The following RERE variants were observed in gnomAD, a reference collection of about 807,000 sequenced individuals.
RERE encodes the protein arginine-glutamic acid dipeptide repeats protein.
Under a neutral mutation model 146.1 loss-of-function variants are expected in RERE, and 40 were observed. The ratio of observed to expected loss-of-function variants is 0.27; its 90% confidence interval spans 0.21 to 0.36. The LOEUF (loss-of-function observed/expected upper bound fraction) is 0.36, where lower values mean the gene tolerates loss of function less well. RERE is among the 10% of genes least tolerant of loss of function. The pLI, the probability that RERE is intolerant of heterozygous loss-of-function variation, is 1.00. For missense variants in RERE, 1,933 were observed against 2,138.7 expected (o/e 0.90, Z 1.90); for synonymous variants, 1,003 against 866.0 (o/e 1.16, Z -2.78).
At chr1:8,739,650 G>A (rs1640268837) in intron 1 of RERE, among the ~76,000 whole-genome samples, 1 of 152,070 alleles carries the variant, frequency 6.6e-6, no homozygotes, top group Admixed American at 6.6e-5. Flanking sequence ...ACTTCGAGGT[G>A]AGAAGCAATA....
At chr1:8,445,883 C>T (rs978038981) in intron 11 of RERE, among the ~76,000 whole-genome samples, 10 of 127,690 alleles carry the variant, frequency 7.8e-5, no homozygotes, top group Non-Finnish European at 9.4e-5. Flanking sequence ...TCCATGTGTT[C>T]TCACTGTTCA....
chr1:8,494,449 G>A (rs1397990895), intron 10 of RERE, among the ~76,000 whole-genome samples: 4 of 152,120 alleles, frequency 2.6e-5, no homozygotes, highest in South Asian at 2.1e-4. Flanking sequence ...CCTAGAGGCC[G>A]GGCGTGGTGG....
At chr1:8,462,973 T>C (rs1644545893) in intron 11 of RERE, among the ~76,000 whole-genome samples, 1 of 152,230 alleles carries the variant, frequency 6.6e-6, no homozygotes, top group Non-Finnish European at 1.5e-5. Flanking sequence ...CATGTATTTA[T>C]GTTAGCTGGA....
intron 7 of RERE, among the ~76,000 whole-genome samples, chr1:8,536,181 A>G (rs1645724751): frequency 6.6e-6 from 1 of 152,290 alleles, no homozygotes; most frequent in Non-Finnish European, 1.5e-5. Flanking sequence ...GCAATTCCCA[A>G]GAAGAAACAA....
At chr1:8,465,852 C>T in intron 11 of RERE, 73 bp downstream of exon 11, 1 of 1,247,160 alleles carries the variant, frequency 8.0e-7, no homozygotes, top group Non-Finnish European at 1.2e-6. Flanking sequence ...CCCTGAGCAG[C>T]AGGGAGGTCA....
intron 4 of RERE, among the ~76,000 whole-genome samples, chr1:8,564,870 G>GTGTGTGTGTGTGTGTA (rs1269710840): frequency 2.5e-3 from 321 of 127,348 alleles, no homozygotes; most frequent in Non-Finnish European, 4.0e-3. Context: ...GTGTGTGTGT[G>GTGTGTGTGTGTGTGTA]TATATATATA....
chr1:8,784,184 C>T (rs914730589), intron 1 of RERE, among the ~76,000 whole-genome samples: 4 of 152,212 alleles, frequency 2.6e-5, no homozygotes, highest in African/African-American at 9.7e-5. Flanking sequence ...CTATTCTCCT[C>T]TGTCTGGGAA....
At chr1:8,751,180 T>C (rs144950278) in intron 1 of RERE, 2 of 256,636 alleles carry the variant, frequency 7.8e-6, no homozygotes, top group East Asian at 9.4e-5. Context: ...TTGCCCATCA[T>C]GACAATCTCT....
At chr1:8,612,759 C>T (rs1359143068) in intron 4 of RERE, among the ~76,000 whole-genome samples, 2 of 152,198 alleles carry the variant, frequency 1.3e-5, no homozygotes, top group Non-Finnish European at 2.9e-5. Flanking sequence ...TAAGACATAT[C>T]GGTAAATAAG....
intron 2 of RERE, among the ~76,000 whole-genome samples, chr1:8,653,207 A>G (rs1647719043): frequency 6.6e-6 from 1 of 152,144 alleles, no homozygotes; most frequent in Admixed American, 6.5e-5. Flanking sequence ...ATATTTGACT[A>G]CTATTTTTGG....
At chr1:8,649,709 G>A (rs1296043201) in intron 2 of RERE, among the ~76,000 whole-genome samples, 1 of 145,008 alleles carries the variant, frequency 6.9e-6, no homozygotes, top group East Asian at 2.0e-4. Flanking sequence ...CAGCCTGCAT[G>A]ACAGGGCAAG....
chr1:8,359,320 C>T (rs1641450614), intron 19 of RERE, among the ~76,000 whole-genome samples: 1 of 152,072 alleles, frequency 6.6e-6, no homozygotes, highest in Non-Finnish European at 1.5e-5. Context: ...GAGAGCTGGC[C>T]ACCACCACAG....
chr1:8,418,391 C>T (rs1442642221), intron 12 of RERE, among the ~76,000 whole-genome samples: 1 of 152,180 alleles, frequency 6.6e-6, no homozygotes, highest in Non-Finnish European at 1.5e-5. Context: ...CATCTCCCTC[C>T]AGGGGCTAAC....
chr1:8,547,807 T>C (rs1174509618), intron 6 of RERE, among the ~76,000 whole-genome samples: 2 of 152,204 alleles, frequency 1.3e-5, no homozygotes, highest in African/African-American at 4.8e-5. Flanking sequence ...TTTGGTAATA[T>C]GTAACAAACC....
At chr1:8,618,274 A>C (rs1431917273) in intron 3 of RERE, among the ~76,000 whole-genome samples, 1 of 152,200 alleles carries the variant, frequency 6.6e-6, no homozygotes, top group Non-Finnish European at 1.5e-5. Flanking sequence ...CTACTTGGCA[A>C]GGTAGGTACT....
intron 20 of RERE, among the ~76,000 whole-genome samples, chr1:8,357,823 C>G (rs896417025): frequency 2.0e-5 from 3 of 152,256 alleles, no homozygotes; most frequent in African/African-American, 7.2e-5. Flanking sequence ...CTCAGCCACC[C>G]TTGAGTAGCC....
chr1:8,484,428 C>CTT (rs35564949), intron 10 of RERE, among the ~76,000 whole-genome samples: 57 of 143,328 alleles, frequency 4.0e-4, no homozygotes, highest in East Asian at 1.6e-3. Flanking sequence ...ACAAATAAAA[C>CTT]TTTTTTTTTT....
rs111236014 is a variant in RERE, at chr1:8,392,396, A to G, written c.1285-26422T>C. On this transcript the variant is annotated intron_variant, in intron 12 of 22. Coordinates refer to ENST00000400908, the MANE Select transcript of RERE (RefSeq NM_001042681.2). ...CTTATATTTTTACCTAACCTGGAAA[A>G]TGAATATCTCTATCTATATATCTCT... Among the ~76,000 whole-genome samples the G allele has an allele frequency of 6.0e-3, 909 of 152,354 alleles. 14 individuals carry two copies. Among genetic ancestry groups the G allele is most frequent in the African/African-American group, 0.02 (844 of 41,586 alleles).
At chr1:8,798,649 T>A (rs1641527585) in intron 1 of RERE, 1 of 216,466 alleles carries the variant, frequency 4.6e-6, no homozygotes, top group African/African-American at 2.3e-5. Context: ...TGACAGCTGT[T>A]GTGGGCAAGA....
Sources: gnomAD v4.1 joint callset for allele counts (sites outside exome capture counted in the v4.1 genomes callset) on GRCh38, gnomAD v4.1.1 for gene constraint, MANE v1.5 for transcripts, NCBI Gene and HGNC (gene_info 2026-07-23, HGNC 2026-07-21) for gene names.